The following ITGA11 variants were observed in gnomAD, a reference collection of about 807,000 sequenced individuals.
ITGA11 encodes the protein integrin subunit alpha 11, also known as integrin alpha-11.
Under a neutral mutation model 141.9 loss-of-function variants are expected in ITGA11, and 97 were observed. The observed-to-expected ratio is 0.68, with a 90% CI of 0.58 to 0.81. ITGA11 has a LOEUF of 0.81. ITGA11 is among the 30% of genes least tolerant of loss of function. ITGA11 has a pLI of 0.00. For synonymous variants in ITGA11, 658 were observed against 624.6 expected, an observed-to-expected ratio of 1.05 and a Z score of -0.80; for missense variants, 1,387 against 1,559.2, an observed-to-expected ratio of 0.89 and a Z score of 1.86.
intron 1 of ITGA11, among the ~76,000 whole-genome samples, chr15:68,414,160 G>A (rs1233259783): frequency 6.6e-6 from 1 of 152,182 alleles, no homozygotes; most frequent in African/African-American, 2.4e-5. Context: ...AGGGCAAGTG[G>A]GCAGGAGGGC....
rs565358887 is a variant in ITGA11 at position 68,304,215 on chromosome 15, G to A, written c.3382-330C>T. On this transcript the variant is annotated intron_variant, in intron 28 of 29. Transcript: ENST00000315757. This position sits in a 1 kb window ranked among gnomAD's most constrained non-coding sequence, Gnocchi z 6.1. ...CTTTGCTGCCTCCGCATCGCCTCCC[G>A]CACTTCTAAAGGTCAGTGTCTCCCA... 7.2e-5 allele frequency among the ~76,000 whole-genome samples: 11 copies of A among 152,208 alleles called. No homozygotes were observed. The East Asian group carries it at 1.5e-3, about 21-fold the overall frequency.
chr15:68,330,229 T>C (rs1894110259), intron 15 of ITGA11, among the ~76,000 whole-genome samples: 1 of 152,220 alleles, frequency 6.6e-6, no homozygotes, highest in African/African-American at 2.4e-5. Flanking sequence ...GCCTGTCTTT[T>C]CCTTTATTCT....
At chr15:68,400,183 A>G (rs1235034383) in intron 2 of ITGA11, among the ~76,000 whole-genome samples, 24 of 152,154 alleles carry the variant, frequency 1.6e-4, no homozygotes. Context: ...TCTTTAACAA[A>G]TTGTGCCAGA....
Position 68,322,858 on chromosome 15 carries a change from A to G in ITGA11, c.2323-1355T>C, listed in dbSNP as rs1206555427. ...GGGTGACAGAGGGAGATACCATTTC[A>G]AAAAAAAAAAAAAAGAAAGTAGGGG... On this transcript the variant is annotated intron_variant, in intron 18 of 29. Transcript: ENST00000315757. This position sits in a 1 kb window ranked among gnomAD's most constrained non-coding sequence, Gnocchi z 5.6. Among the ~76,000 whole-genome samples, 2 of 12,936 alleles carry G rather than the reference A, an allele frequency of 1.5e-4. No homozygotes were observed. The highest frequency in any genetic ancestry group is 5.3e-3 in the Non-Finnish European group (2 of 374). The allele number at this position is 12,936 out of a possible 152,430, so 8.5% of individuals were successfully genotyped here. A position where few individuals can be genotyped will look rare whatever the true frequency, so the allele number is the denominator to read the frequency against.
rs534624033 is a variant in ITGA11, at chr15:68,367,141, T to G, written c.265+2043A>C. On this transcript the variant is annotated intron_variant, in intron 3 of 29. Transcript: ENST00000315757. Reference sequence around the variant, plus strand: ...CCAACTCACTTTGCTACCCACTGCCTCCTAGGCTTGTGCCCCAGCTCAGAA... The same window carrying G: ...CCAACTCACTTTGCTACCCACTGCCGCCTAGGCTTGTGCCCCAGCTCAGAA... 2.6e-5 allele frequency among the ~76,000 whole-genome samples: 4 copies of G among 152,166 alleles called. No homozygotes were observed. The South Asian group carries it at 8.3e-4, about 32-fold the overall frequency.
intron 2 of ITGA11, among the ~76,000 whole-genome samples, chr15:68,388,202 G>A (rs1324816207): frequency 6.6e-6 from 1 of 152,082 alleles, no homozygotes; most frequent in East Asian, 1.9e-4. Context: ...CTCTGAACTT[G>A]CCTCCTTCTG....
At chr15:68,372,528 G>A (rs1417314185) in intron 2 of ITGA11, among the ~76,000 whole-genome samples, 2 of 152,222 alleles carry the variant, frequency 1.3e-5, no homozygotes, top group African/African-American at 2.4e-5. Context: ...TTCTTCCTGC[G>A]GAGGCGCAGG....
chr15:68,398,601 TA>T (rs1038329574), intron 2 of ITGA11, among the ~76,000 whole-genome samples: 6 of 121,460 alleles, frequency 4.9e-5, no homozygotes, highest in African/African-American at 1.6e-4. Context: ...AAATATAATA[TA>T]AATATAAGTA....
rs1897184335 is a variant in ITGA11 at position 68,428,013 on chromosome 15, C to T, written c.52+4002G>A. 2.0e-5 allele frequency among the ~76,000 whole-genome samples: 3 copies of T among 152,070 alleles called. No individual in the cohort carries two copies. The South Asian group carries it at 6.2e-4, about 32-fold the overall frequency. On this transcript the variant is annotated intron_variant, in intron 1 of 29. Coordinates refer to ENST00000315757, the MANE Select transcript of ITGA11 (RefSeq NM_001004439.2). ...TTTTAAGGCTCATTTTGTAGCTGAC[C>T]TTCCCTGAGTCAGCCAGAGCCCATC...
chr15:68,361,966 A>C, intron 4 of ITGA11: 1 of 379,652 alleles, frequency 2.6e-6, no homozygotes, highest in Non-Finnish European at 4.9e-6. Flanking sequence ...TCTCCATCTC[A>C]TCATTTAGGA....
At chr15:68,401,282 T>G (rs1041168111) in intron 2 of ITGA11, among the ~76,000 whole-genome samples, 1 of 152,032 alleles carries the variant, frequency 6.6e-6, no homozygotes, top group Admixed American at 6.6e-5. Flanking sequence ...TAAACCACTT[T>G]GAAACAAATG....
chr15:68,359,707 A>C (rs1048998702), intron 5 of ITGA11, among the ~76,000 whole-genome samples: 6 of 152,256 alleles, frequency 3.9e-5, no homozygotes, highest in African/African-American at 1.4e-4. Context: ...AATAATGAAA[A>C]TCAACAAAGA....
At chr15:68,341,339 G>A (rs1022504211) in intron 10 of ITGA11, among the ~76,000 whole-genome samples, 19 of 152,234 alleles carry the variant, frequency 1.2e-4, no homozygotes, top group African/African-American at 3.9e-4. Context: ...ATTCCTGCAC[G>A]TGGGGTGTGC....
chr15:68,307,347 C>T lies in ITGA11; in HGVS notation c.3381+1G>A, dbSNP rs1014104504. ...GTTCTGCAGGGCTCCCAGGGGCTCA[C>T]CTGGCGGCTGGGATCCTCCTCACGG... On this transcript the variant is annotated splice_donor_variant, in intron 28 of 29. Coordinates refer to ENST00000315757, the MANE Select transcript of ITGA11 (RefSeq NM_001004439.2). LOFTEE classifies it high-confidence loss of function. The surrounding 1 kb of genome is among the most constrained non-coding windows in gnomAD (Gnocchi z 6.1). 6.4e-6 allele frequency: 10 copies of T among 1,553,026 alleles called. No homozygotes were observed. The highest frequency in any genetic ancestry group is 8.7e-6 in the Non-Finnish European group (10 of 1,147,238).
In ITGA11 at chr15:68,369,272, G is replaced by T. The variant is rs770043922; in HGVS notation, c.177C>A (p.Gly59=). 1.2e-6 allele frequency: 2 copies of T among 1,609,944 alleles called. No homozygotes were observed. The highest frequency in any genetic ancestry group is 1.7e-6 in the Non-Finnish European group (2 of 1,177,202). Residue 59 remains glycine, a synonymous_variant, in exon 3 of 30, where the codon GGC becomes GGA. Transcript: ENST00000315757. Reference sequence around the variant, plus strand: ...GGTAGCCATTGGTTTCCAGTGGGGCGCCCACGACCAGCCTGGGAAGGAAGA... The same window carrying T: ...GGTAGCCATTGGTTTCCAGTGGGGCTCCCACGACCAGCCTGGGAAGGAAGA... ...DISGNKWLVV[G]APLETNGYQK...
chr15:68,338,471 G>A (rs1019987925), intron 11 of ITGA11, among the ~76,000 whole-genome samples: 11 of 152,332 alleles, frequency 7.2e-5, no homozygotes, highest in African/African-American at 2.2e-4. Flanking sequence ...AACACCTTGC[G>A]AATTAAATGG....
At chr15:68,355,871 G>A (rs1895056826) in intron 7 of ITGA11, among the ~76,000 whole-genome samples, 3 of 152,122 alleles carry the variant, frequency 2.0e-5, no homozygotes, top group Admixed American at 2.0e-4. Flanking sequence ...ATTTATAGGT[G>A]TAACACTTAG....
intron 6 of ITGA11, among the ~76,000 whole-genome samples, chr15:68,358,235 C>T (rs988033990): frequency 2.6e-5 from 4 of 152,212 alleles, no homozygotes; most frequent in Non-Finnish European, 5.9e-5. Flanking sequence ...TGTCTTGTGT[C>T]TGACCCGTGA....
intron 10 of ITGA11, among the ~76,000 whole-genome samples, chr15:68,345,496 C>CTAA (rs1894716255): frequency 6.6e-6 from 1 of 152,206 alleles, no homozygotes; most frequent in South Asian, 2.1e-4. Context: ...TTTACCCTTG[C>CTAA]TAATTCAAAG....
Sources: allele counts gnomAD v4.1 joint callset (sites outside exome capture counted in the v4.1 genomes callset), GRCh38; gene constraint gnomAD v4.1.1; non-coding constraint Gnocchi (gnomAD v3.1); transcripts MANE v1.5; gene names NCBI Gene and HGNC (gene_info 2026-07-23, HGNC 2026-07-21).